Variants in ST6GALNAC3 observed in about 807,000 individuals in gnomAD.
ST6GALNAC3 encodes the protein alpha-N-acetylgalactosaminide alpha-2,6-sialyltransferase 3.
ST6GALNAC3 carries 25 observed loss-of-function variants against 32.7 expected under a neutral mutation model. That is an observed-to-expected ratio of 0.76 (90% CI 0.56 to 1.07). The LOEUF is 1.07. Ranked by LOEUF, ST6GALNAC3 falls within the 50% of genes least tolerant of loss-of-function variation. The pLI is 0.00. For synonymous variants in ST6GALNAC3, 129 were observed against 133.1 expected, an observed-to-expected ratio of 0.97 and a Z score of 0.21; for missense variants, 355 against 382.4, an observed-to-expected ratio of 0.93 and a Z score of 0.60.
chr1:76,441,389 T>C (rs897680672), intron 3 of ST6GALNAC3, among the ~76,000 whole-genome samples: 36 of 152,148 alleles, frequency 2.4e-4, no homozygotes, highest in Non-Finnish European at 2.6e-4. Context: ...TCAGAAAGAT[T>C]ATGAGACTTG....
chr1:76,212,926 T>A (rs1352160430), intron 1 of ST6GALNAC3, among the ~76,000 whole-genome samples: 1 of 152,204 alleles, frequency 6.6e-6, no homozygotes, highest in Non-Finnish European at 1.5e-5. Flanking sequence ...AGAAAACAGC[T>A]GACACTTACA....
chr1:76,631,753 C>T lies in ST6GALNAC3; in HGVS notation c.*2947C>T, dbSNP rs967692491. 4 of 151,962 alleles carry T rather than the reference C, an allele frequency of 2.6e-5. No homozygotes were observed. The highest frequency in any genetic ancestry group is 6.6e-5 in the Admixed American group (1 of 15,248). The allele number at this position is 151,962 out of a possible 1,614,324, so 9.4% of individuals were successfully genotyped here. On this transcript the variant is annotated 3_prime_UTR_variant, in exon 5 of 5. Transcript: ENST00000328299. ...GAAAATGAACTATAAAAAAGGGTCA[C>T]AATTTTTCTGAAATTGGCATGAAAA...
At chr1:76,174,815 C>T (rs770430859) in intron 1 of ST6GALNAC3, among the ~76,000 whole-genome samples, 5 of 151,678 alleles carry the variant, frequency 3.3e-5, no homozygotes, top group African/African-American at 7.3e-5. Context: ...CACAGGTGCC[C>T]GCCACCATAC....
chr1:76,603,832 A>C (rs557121183), intron 3 of ST6GALNAC3, among the ~76,000 whole-genome samples: 1 of 152,222 alleles, frequency 6.6e-6, no homozygotes, highest in South Asian at 2.1e-4. Flanking sequence ...CTAATGCTCT[A>C]TTTCTTAAGC....
At chr1:76,293,653 C>T (rs540963616) in intron 1 of ST6GALNAC3, among the ~76,000 whole-genome samples, 11 of 152,266 alleles carry the variant, frequency 7.2e-5, no homozygotes, top group Admixed American at 2.0e-4. Context: ...TTAAACATCT[C>T]GTTGGAATCC....
intron 1 of ST6GALNAC3, among the ~76,000 whole-genome samples, chr1:76,213,727 C>G (rs919819369): frequency 6.6e-6 from 1 of 152,038 alleles, no homozygotes. Context: ...GGTGTCTATT[C>G]TTCCTCTAAA....
intron 3 of ST6GALNAC3, among the ~76,000 whole-genome samples, chr1:76,455,072 A>G (rs1177849556): frequency 6.6e-6 from 1 of 151,966 alleles, no homozygotes; most frequent in African/African-American, 2.4e-5. Flanking sequence ...ATATCTTCCA[A>G]TTATTTGACT....
intron 3 of ST6GALNAC3, among the ~76,000 whole-genome samples, chr1:76,470,106 A>G (rs1209670977): frequency 1.3e-5 from 2 of 152,108 alleles, no homozygotes; most frequent in Non-Finnish European, 2.9e-5. Context: ...CCCTATTGAT[A>G]CACCAGGGCC....
intron 1 of ST6GALNAC3, among the ~76,000 whole-genome samples, chr1:76,196,723 C>G (rs564501931): frequency 4.6e-5 from 7 of 152,274 alleles, no homozygotes; most frequent in African/African-American, 1.7e-4. Flanking sequence ...ACCTCGGCCT[C>G]CCAAAGTGCT....
At position 76,632,036 on chromosome 1, in the gene ST6GALNAC3, C is replaced by T. The variant is rs1487408650; in HGVS notation, c.*3230C>T. 6.6e-6 allele frequency: 1 copy of T among 151,956 alleles called. No individual in the cohort carries two copies. The highest frequency in any genetic ancestry group is 2.4e-5 in the African/African-American group (1 of 41,392). 9.4% of individuals were successfully genotyped at this position (151,956 alleles called of 1,614,324 possible). On this transcript the variant is annotated 3_prime_UTR_variant, in exon 5 of 5. Coordinates refer to ENST00000328299, the MANE Select transcript of ST6GALNAC3 (RefSeq NM_152996.4). The stretch of plus-strand genomic sequence containing the variant: ...TTGGAGGAATGTTTGTATATATGCA[C>T]ATAGAGTCTATTTGTGTGTGTGTGA...
intron 2 of ST6GALNAC3, among the ~76,000 whole-genome samples, chr1:76,338,554 C>T (rs775199516): frequency 1.5e-4 from 23 of 152,142 alleles, no homozygotes; most frequent in Non-Finnish European, 2.2e-4. Context: ...TACTCCTTAA[C>T]GGGGCTTATT....
intron 1 of ST6GALNAC3, among the ~76,000 whole-genome samples, chr1:76,161,916 C>A (rs917037501): frequency 2.6e-5 from 4 of 152,134 alleles, no homozygotes; most frequent in African/African-American, 9.7e-5. Context: ...TATTGTCAGG[C>A]TTTGGTCAAA....
chr1:76,094,813 T>A (rs1245394788), intron 1 of ST6GALNAC3, among the ~76,000 whole-genome samples: 1 of 152,138 alleles, frequency 6.6e-6, no homozygotes, highest in Non-Finnish European at 1.5e-5. Context: ...ATGGGTGCAA[T>A]CAATTCTTGC....
At chr1:76,164,589 A>T (rs906475512) in intron 1 of ST6GALNAC3, among the ~76,000 whole-genome samples, 5 of 152,180 alleles carry the variant, frequency 3.3e-5, no homozygotes, top group Non-Finnish European at 5.9e-5. Flanking sequence ...TAGTCCAGTG[A>T]TTACTTGGTT....
intron 2 of ST6GALNAC3, among the ~76,000 whole-genome samples, chr1:76,360,835 G>T (rs968541535): frequency 2.0e-5 from 3 of 152,104 alleles, no homozygotes; most frequent in African/African-American, 7.2e-5. Context: ...AACCTCGTTG[G>T]CCTTCTGGGA....
chr1:76,378,029 G>A (rs960644468), intron 2 of ST6GALNAC3, among the ~76,000 whole-genome samples: 1 of 152,086 alleles, frequency 6.6e-6, no homozygotes, highest in African/African-American at 2.4e-5. Flanking sequence ...TTCCACTAAG[G>A]ATAGATTTCA....
chr1:76,113,144 C>T (rs1001095195), intron 1 of ST6GALNAC3, among the ~76,000 whole-genome samples: 4 of 152,124 alleles, frequency 2.6e-5, no homozygotes, highest in East Asian at 1.9e-4. Context: ...GAGACCAGCC[C>T]GGCCAACACA....
At chr1:76,287,405 G>A (rs3904688) in intron 1 of ST6GALNAC3, among the ~76,000 whole-genome samples, 60,992 of 112,534 alleles carry the variant, frequency 0.54, 12,958 homozygotes, top group Admixed American at 0.58. Flanking sequence ...TTTTTTTTTT[G>A]CATTTGATGG....
intron 1 of ST6GALNAC3, among the ~76,000 whole-genome samples, chr1:76,223,473 G>T (rs1159642255): frequency 1.3e-5 from 2 of 152,060 alleles, no homozygotes; most frequent in African/African-American, 4.8e-5. Context: ...TTATTACCTG[G>T]ATGATGAAAT....
Sources: gnomAD v4.1 joint callset for allele counts (sites outside exome capture counted in the v4.1 genomes callset) on GRCh38, gnomAD v4.1.1 for gene constraint, MANE v1.5 for transcripts, NCBI Gene and HGNC (gene_info 2026-07-23, HGNC 2026-07-21) for gene names.